The following COMMD10 variants were observed in gnomAD, a reference collection of about 807,000 sequenced individuals.
The protein encoded by COMMD10 is COMM domain containing 10.
A neutral mutation model predicts 28.9 loss-of-function variants in COMMD10; 33 were observed. That is an observed-to-expected ratio of 1.14 (90% CI 0.87 to 1.53). The LOEUF is 1.53. COMMD10 is among the 40% of genes most tolerant of loss of function. The pLI is 0.00. For missense variants in COMMD10, 310 were observed against 233.4 expected, an observed-to-expected ratio of 1.33 and a Z score of -2.14; for synonymous variants, 110 against 81.7, an observed-to-expected ratio of 1.35 and a Z score of -1.87.
intron 4 of COMMD10, among the ~76,000 whole-genome samples, chr5:116,107,975 C>T (rs947186310): frequency 1.3e-5 from 2 of 152,204 alleles, no homozygotes; most frequent in African/African-American, 4.8e-5. Flanking sequence ...ACTCCAGACC[C>T]TGTTTGCCTG....
At chr5:116,268,950 G>A (rs1016390427) in intron 5 of COMMD10, among the ~76,000 whole-genome samples, 13 of 151,480 alleles carry the variant, frequency 8.6e-5, no homozygotes, top group Non-Finnish European at 1.9e-4. Context: ...CCTGTTGTGG[G>A]GTGGGGGGAA....
chr5:116,107,123 T>A (rs1750865417), intron 4 of COMMD10, among the ~76,000 whole-genome samples: 1 of 152,150 alleles, frequency 6.6e-6, no homozygotes, highest in Non-Finnish European at 1.5e-5. Context: ...TTTCCTTTAT[T>A]TCCACCTTGG....
chr5:116,176,772 A>G (rs1305546865), intron 5 of COMMD10, among the ~76,000 whole-genome samples: 1 of 152,070 alleles, frequency 6.6e-6, no homozygotes, highest in African/African-American at 2.4e-5. Context: ...TATCTCCCTA[A>G]ATCTAATAAG....
At chr5:116,231,359 A>G (rs778222023) in intron 5 of COMMD10, among the ~76,000 whole-genome samples, 2 of 152,208 alleles carry the variant, frequency 1.3e-5, no homozygotes, top group Non-Finnish European at 2.9e-5. Context: ...AAAGTATGCA[A>G]TACTAATGTT....
intron 5 of COMMD10, among the ~76,000 whole-genome samples, chr5:116,210,360 A>T (rs923434191): frequency 1.3e-5 from 2 of 151,790 alleles, no homozygotes; most frequent in Admixed American, 6.6e-5. Flanking sequence ...AAGCACACAT[A>T]TACAGGCATA....
At chr5:116,146,205 A>G (rs1018456745) in intron 5 of COMMD10, among the ~76,000 whole-genome samples, 7 of 151,808 alleles carry the variant, frequency 4.6e-5, no homozygotes, top group Non-Finnish European at 8.8e-5. Flanking sequence ...GTCTAATTAT[A>G]TGAAGATTTA....
intron 5 of COMMD10, among the ~76,000 whole-genome samples, chr5:116,261,470 A>T (rs1025611235): frequency 2.6e-5 from 4 of 151,658 alleles, no homozygotes; most frequent in African/African-American, 9.7e-5. Flanking sequence ...TATTCTTCTC[A>T]TAACTTAGTA....
chr5:116,102,842 G>C (rs1290038211), intron 4 of COMMD10, among the ~76,000 whole-genome samples: 2 of 151,670 alleles, frequency 1.3e-5, no homozygotes, highest in Non-Finnish European at 2.9e-5. Flanking sequence ...ACAGGCCCCA[G>C]TGTGTGATTC....
chr5:116,227,043 C>T (rs1182768819), intron 5 of COMMD10, among the ~76,000 whole-genome samples: 1 of 152,010 alleles, frequency 6.6e-6, no homozygotes, highest in Non-Finnish European at 1.5e-5. Flanking sequence ...GATTCACTCT[C>T]CCCCTCTTTT....
intron 5 of COMMD10, among the ~76,000 whole-genome samples, chr5:116,180,645 T>C (rs1747924129): frequency 6.6e-6 from 1 of 152,024 alleles, no homozygotes; most frequent in Non-Finnish European, 1.5e-5. Context: ...AAAAGTTTAT[T>C]TGAAAAACGA....
chr5:116,110,098 C>G (rs2112735285), intron 4 of COMMD10, among the ~76,000 whole-genome samples: 1 of 152,302 alleles, frequency 6.6e-6, no homozygotes, highest in Non-Finnish European at 1.5e-5. Flanking sequence ...TGCATTTTAT[C>G]AAATGCTATT....
At chr5:116,210,791 AT>A (rs1748944750) in intron 5 of COMMD10, among the ~76,000 whole-genome samples, 2 of 151,998 alleles carry the variant, frequency 1.3e-5, no homozygotes, top group Admixed American at 1.3e-4. Flanking sequence ...TAGTGTTAGG[AT>A]TTTTCTTTTC....
intron 5 of COMMD10, among the ~76,000 whole-genome samples, chr5:116,136,379 C>T (rs10079691): frequency 0.5 from 76,432 of 152,036 alleles, 21,796 homozygotes; most frequent in Non-Finnish European, 0.65. Context: ...TTCCAAGTAG[C>T]TATATACTTC....
intron 4 of COMMD10, among the ~76,000 whole-genome samples, chr5:116,109,964 T>A (rs1750989489): frequency 6.6e-6 from 1 of 152,210 alleles, no homozygotes; most frequent in Admixed American, 6.5e-5. Flanking sequence ...TTTGAGGAAA[T>A]GTTTTTAACT....
At chr5:116,197,067 G>C (rs868796777) in intron 5 of COMMD10, among the ~76,000 whole-genome samples, 1 of 151,348 alleles carries the variant, frequency 6.6e-6, no homozygotes, top group Non-Finnish European at 1.5e-5. Flanking sequence ...TAGTGTTTCT[G>C]TCCGTTAAAT....
chr5:116,209,303 A>G (rs1046706058), intron 5 of COMMD10, among the ~76,000 whole-genome samples: 1 of 152,126 alleles, frequency 6.6e-6, no homozygotes, highest in African/African-American at 2.4e-5. Context: ...TAAATTTGGC[A>G]CTTAATGGTT....
chr5:116,125,276 C>G (rs112028228), intron 4 of COMMD10, among the ~76,000 whole-genome samples: 162 of 151,754 alleles, frequency 1.1e-3, no homozygotes, highest in African/African-American at 3.7e-3. Flanking sequence ...CAGCATTTGT[C>G]TGTAAATGAT....
chr5:116,170,458 ACTT>A (rs1753285794), intron 5 of COMMD10, among the ~76,000 whole-genome samples: 1 of 152,138 alleles, frequency 6.6e-6, no homozygotes, highest in South Asian at 2.1e-4. Context: ...CTACCATTGA[ACTT>A]CTTCACAGAA....
At chr5:116,195,338 TAAAG>T (rs1270011958) in intron 5 of COMMD10, among the ~76,000 whole-genome samples, 1 of 152,046 alleles carries the variant, frequency 6.6e-6, no homozygotes, top group Admixed American at 6.6e-5. Context: ...GAGAAAGAAA[TAAAG>T]AGCATCCAAA....
Sources: allele counts gnomAD v4.1 joint callset (sites outside exome capture counted in the v4.1 genomes callset), GRCh38; gene constraint gnomAD v4.1.1; transcripts MANE v1.5; gene names NCBI Gene and HGNC (gene_info 2026-07-23, HGNC 2026-07-21).